SYCP3: variants seen among roughly 807,000 people sequenced by gnomAD.
SYCP3 encodes synaptonemal complex protein 3.
In SYCP3, 29 loss-of-function variants were observed where a neutral mutation model predicts 38.5. The observed-to-expected ratio is 0.75, with a 90% CI of 0.56 to 1.03. The LOEUF (loss-of-function observed/expected upper bound fraction) is 1.03, where lower values mean the gene tolerates loss of function less well. Ranked by LOEUF, SYCP3 falls within the 50% of genes least tolerant of loss-of-function variation. The probability of loss-of-function intolerance (pLI) is 0.00; values close to 1 mark genes in which losing one functional copy is unlikely to be tolerated. For synonymous variants in SYCP3, 79 were observed against 80.3 expected, an observed-to-expected ratio of 0.98 and a Z score of 0.08; for missense variants, 242 against 270.7, an observed-to-expected ratio of 0.89 and a Z score of 0.74.
chr12:101,730,574 A>ACCTTTG (rs1952149627), intron 7 of SYCP3: 2 of 366,734 alleles, frequency 5.5e-6, no homozygotes, highest in African/African-American at 4.5e-5. Context: ...GCTCACTGCA[A>ACCTTTG]CCTTTGCCTC....
At chr12:101,738,462 C>T (rs931850058) in intron 1 of SYCP3, among the ~76,000 whole-genome samples, 47 of 150,192 alleles carry the variant, frequency 3.1e-4, no homozygotes, top group African/African-American at 1.1e-3. Flanking sequence ...AATGGCCGGG[C>T]GCTGTGGCTC....
Position 101,728,779 on chromosome 12 carries a change from C to A in SYCP3, c.*148G>T. 8.9e-7 allele frequency: 1 copy of A among 1,126,326 alleles called. No individual in the cohort carries two copies. 69.8% of individuals were successfully genotyped at this position (1,126,326 alleles called of 1,614,324 possible). A position where few individuals can be genotyped will look rare whatever the true frequency, so the allele number is the denominator to read the frequency against. ...CTAACTCATAACTATTTAGATTTGACTTAACAGAAAGGGAGGTCTTACAAT... is the reference window on the plus strand; with the variant it reads ...CTAACTCATAACTATTTAGATTTGAATTAACAGAAAGGGAGGTCTTACAAT... On this transcript the variant is annotated 3_prime_UTR_variant, in exon 9 of 9. Coordinates refer to ENST00000392924, the MANE Select transcript of SYCP3 (RefSeq NM_001177949.2).
chr12:101,735,871 A>ATATATATATCTATATATTTTTTTTTTTTT, intron 4 of SYCP3, among the ~76,000 whole-genome samples: 1 of 74,790 alleles, frequency 1.3e-5, no homozygotes, highest in Non-Finnish European at 2.5e-5. Flanking sequence ...ATATATATAT[A>ATATATATATCTATATATTTTTTTTTTTTT]TTTTTTTTTT....
intron 6 of SYCP3, chr12:101,733,320 A>G (rs1443524644): frequency 4.5e-6 from 2 of 446,416 alleles, no homozygotes; most frequent in African/African-American, 4.0e-5. Context: ...CTTCTTTTAC[A>G]TAAACCAATG....
chr12:101,737,474 T>C (rs1952498926), intron 2 of SYCP3, 176 bp from the exon 3 acceptor site: 1 of 689,172 alleles, frequency 1.5e-6, no homozygotes, highest in African/African-American at 1.8e-5. Flanking sequence ...TAAATCAGGA[T>C]TCAGGACCAT....
chr12:101,733,615 A>G lies in SYCP3; in HGVS notation c.413T>C (p.Leu138Ser). 1 of 1,612,658 alleles carries G rather than the reference A, an allele frequency of 6.2e-7. No individual in the cohort carries two copies. The highest frequency in any genetic ancestry group is 8.5e-7 in the Non-Finnish European group (1 of 1,179,986). Reference sequence around the variant, plus strand: ...TTGTTCCTCAGCTTTCTGCATATCTAAATCCCACTGCTGAAACAAAGTCAG... The same window carrying G: ...TTGTTCCTCAGCTTTCTGCATATCTGAATCCCACTGCTGAAACAAAGTCAG... ...QFLTLFQQWD[L>S]DMQKAEEQEE... is the part of the protein sequence containing the mutation. Residue 138 changes from leucine (L) to serine (S), a missense_variant, in exon 6 of 9, where the codon TTA (leucine) becomes TCA (serine). Coordinates refer to ENST00000392924, the MANE Select transcript of SYCP3 (RefSeq NM_001177949.2).
chr12:101,737,712 A>G, intron 2 of SYCP3, 91 bp downstream of exon 2: 1 of 1,582,926 alleles, frequency 6.3e-7, no homozygotes, highest in Non-Finnish European at 8.7e-7. Context: ...ATACCTGAAA[A>G]TGCTTTACAA....
At chr12:101,731,763 T>G in intron 6 of SYCP3, 97 bp from the exon 7 acceptor site, 1 of 846,136 alleles carries the variant, frequency 1.2e-6, no homozygotes, top group East Asian at 2.8e-5. Flanking sequence ...AAGAAAGTGT[T>G]AAAAATCAAT....
intron 7 of SYCP3, chr12:101,729,445 A>G: frequency 4.8e-6 from 2 of 419,562 alleles, no homozygotes; most frequent in Non-Finnish European, 8.5e-6. Flanking sequence ...TTTGCCCACA[A>G]TGGGTTTCCT....
chr12:101,737,812 C>T lies in SYCP3; in HGVS notation c.124G>A (p.Val42Ile). The T allele has an allele frequency of 6.2e-7, 1 of 1,614,190 alleles. No homozygotes were observed. The highest frequency in any genetic ancestry group is 8.5e-7 in the Non-Finnish European group (1 of 1,180,032). The change falls in exon 2 of 9, where the codon GTT becomes ATT. Residue 42 changes from valine (V) to isoleucine (I), a missense_variant. Coordinates refer to ENST00000392924, the MANE Select transcript of SYCP3 (RefSeq NM_001177949.2). Reference protein sequence around the residue: ...KKDLSGSEEDVIEGKTAVIEK... With the variant: ...KKDLSGSEEDIIEGKTAVIEK... ...ATGAGATGTACTGCACCTTCAATAA[C>T]ATCTTCCTCTGATCCACTCAGATCT...
intron 1 of SYCP3, 51 bp from the exon 2 acceptor site, chr12:101,738,003 A>G (rs760530496): frequency 5.0e-6 from 8 of 1,592,474 alleles, no homozygotes; most frequent in Non-Finnish European, 6.0e-6. Context: ...CATCATTTTA[A>G]TACACTGGTA....
At position 101,728,717 on chromosome 12, in the gene SYCP3, G is replaced by A. The variant is rs2137039007; in HGVS notation, c.*210C>T. 1 of 621,870 alleles carries A rather than the reference G, an allele frequency of 1.6e-6. No individual in the cohort carries two copies. The highest frequency in any genetic ancestry group is 2.7e-6 in the Non-Finnish European group (1 of 372,964). The allele number at this position is 621,870 out of a possible 1,614,324, so 38.5% of individuals were successfully genotyped here. A position where few individuals can be genotyped will look rare whatever the true frequency, so the allele number is the denominator to read the frequency against. On this transcript the variant is annotated 3_prime_UTR_variant, in exon 9 of 9. Transcript: ENST00000392924. ...AATTCACTATCATTACTAAAGAGCT[G>A]AAAGCTTAATACATATTCTTTAGGA...
chr12:101,731,523 T>C, intron 7 of SYCP3, 45 bp downstream of exon 7: 1 of 1,287,228 alleles, frequency 7.8e-7, no homozygotes, highest in Non-Finnish European at 1.1e-6. Flanking sequence ...TCCATAAATA[T>C]ATTATGTTTT....
intron 5 of SYCP3, among the ~76,000 whole-genome samples, chr12:101,734,585 A>G (rs1952324510): frequency 6.6e-6 from 1 of 152,158 alleles, no homozygotes; most frequent in Non-Finnish European, 1.5e-5. Flanking sequence ...CCCAGTAACT[A>G]GAATAGTATT....
chr12:101,730,493 T>TG (rs2137048341), intron 7 of SYCP3: 1 of 174,834 alleles, frequency 5.7e-6, no homozygotes, highest in East Asian at 1.7e-4. Context: ...TGTGTATAAT[T>TG]TTTTTTTTTT....
chr12:101,735,871 A>ATTTTTTTTTTTTTTTT (rs201568592), intron 4 of SYCP3, among the ~76,000 whole-genome samples: 6 of 74,658 alleles, frequency 8.0e-5, no homozygotes, highest in South Asian at 4.3e-4. Flanking sequence ...ATATATATAT[A>ATTTTTTTTTTTTTTTT]TTTTTTTTTT....
At chr12:101,738,864 C>T (rs1952587322) in intron 1 of SYCP3, among the ~76,000 whole-genome samples, 1 of 152,226 alleles carries the variant, frequency 6.6e-6, no homozygotes, top group South Asian at 2.1e-4. Flanking sequence ...CTGGCTAAAT[C>T]TGGGCAACTC....
At chr12:101,730,109 T>G (rs1211772893) in intron 7 of SYCP3, among the ~76,000 whole-genome samples, 1 of 152,160 alleles carries the variant, frequency 6.6e-6, no homozygotes, top group South Asian at 2.1e-4. Flanking sequence ...GATATATTTT[T>G]AAAAGATAAT....
At chr12:101,730,404 C>T (rs562759109) in intron 7 of SYCP3, 91 of 383,274 alleles carry the variant, frequency 2.4e-4, no homozygotes, top group African/African-American at 1.7e-3. Context: ...AACTTCACAC[C>T]AACTACCAAA....
Sources: gnomAD v4.1 joint callset for allele counts (sites outside exome capture counted in the v4.1 genomes callset) on GRCh38, gnomAD v4.1.1 for gene constraint, MANE v1.5 for transcripts, NCBI Gene and HGNC (gene_info 2026-07-23, HGNC 2026-07-21) for gene names.